Variants in TET2 observed in about 807,000 individuals in gnomAD.
The protein encoded by TET2 is tet methylcytosine dioxygenase 2.
In TET2, 299 loss-of-function variants were observed where a neutral mutation model predicts 142.9. That is an observed-to-expected ratio of 2.09 (90% CI 1.90 to 2.30). The LOEUF (loss-of-function observed/expected upper bound fraction) is 2.30. Among genes scored for constraint, TET2 ranks in the 30% most tolerant of loss-of-function variants. The probability of loss-of-function intolerance (pLI) is 0.00; values close to 1 mark genes in which losing one functional copy is unlikely to be tolerated. For missense variants in TET2, 2,418 were observed against 2,378.0 expected, an observed-to-expected ratio of 1.02 and a Z score of -0.35; for synonymous variants, 819 against 849.0, an observed-to-expected ratio of 0.96 and a Z score of 0.61.
chr4:105,185,683 G>T (rs1196585343), intron 1 of TET2, among the ~76,000 whole-genome samples: 1 of 152,156 alleles, frequency 6.6e-6, no homozygotes, highest in Non-Finnish European at 1.5e-5. Flanking sequence ...GGAGGCTGAG[G>T]CAGGAGAATG....
chr4:105,275,783 C>A lies in TET2; in HGVS notation c.5273C>A (p.Ser1758Ter), dbSNP rs1490276246. 1 of 1,551,698 alleles carries A rather than the reference C, an allele frequency of 6.4e-7. No individual in the cohort carries two copies. Among genetic ancestry groups the A allele is most frequent in the African/African-American group, 1.4e-5 (1 of 73,164 alleles). Residue 1758 changes from serine (S) to a stop codon, truncating the protein, a stop_gained, in exon 11 of 11, where the codon TCA becomes TAA. Transcript: ENST00000380013. LOFTEE classifies it low-confidence loss of function (END_TRUNC). Reference sequence around the variant, plus strand: ...GACTATAAAAATGGTGAACATCATTCACCTTCTCACATAATCCATAACTAC... The same window carrying A: ...GACTATAAAAATGGTGAACATCATTAACCTTCTCACATAATCCATAACTAC... ...NMDYKNGEHH[S>*]PSHIIHNYSA...
rs534655531 is a variant in TET2, at chr4:105,261,437, A to T, written c.3955-322A>T. Among the ~76,000 whole-genome samples the T allele has an allele frequency of 2.6e-5, 4 of 152,242 alleles. No individual in the cohort carries two copies. In the South Asian group the frequency reaches 8.3e-4, roughly 32 times the overall value. On this transcript the variant is annotated intron_variant, in intron 7 of 10. Coordinates refer to ENST00000380013, the MANE Select transcript of TET2 (RefSeq NM_001127208.3). ...CTTTTAATAGTTCATCTTCCTTGGT[A>T]GCTAAAAAATGTGACCTCTTTAAGA...
chr4:105,181,843 C>T (rs917190144), intron 1 of TET2, among the ~76,000 whole-genome samples: 88 of 152,222 alleles, frequency 5.8e-4, no homozygotes, highest in Non-Finnish European at 8.8e-5. Flanking sequence ...TTATATTACC[C>T]TCCAACCTTA....
chr4:105,209,049 G>GCA (rs1553949668), intron 2 of TET2, among the ~76,000 whole-genome samples: 1 of 44,316 alleles, frequency 2.3e-5, no homozygotes, highest in Non-Finnish European at 8.2e-5. Context: ...TCAAGGCATG[G>GCA]TATATATATA....
At chr4:105,242,566 A>T (rs2110251911) in intron 4 of TET2, 1 of 1,189,032 alleles carries the variant, frequency 8.4e-7, no homozygotes, top group African/African-American at 1.6e-5. Context: ...GAAATTTTAT[A>T]TCGAAATGAG....
At chr4:105,249,001 CT>C (rs60525299) in intron 6 of TET2, among the ~76,000 whole-genome samples, 15,776 of 131,524 alleles carry the variant, frequency 0.12, 608 homozygotes, top group Non-Finnish European at 0.14. Context: ...TTTTCTTTTT[CT>C]TTTTTTTTTT....
rs1009194427 is a variant in TET2, at chr4:105,243,621, C to T, written c.3646C>T (p.Arg1216Ter). 24 of 1,551,470 alleles carry T rather than the reference C, an allele frequency of 1.5e-5. No homozygotes were observed. Among genetic ancestry groups the T allele is most frequent in the African/African-American group, 2.7e-5 (2 of 73,126 alleles). ...EEKLLCLVRE[R>*]AGHTCEAAVI... ...GAAGCTACTGTGTTTGGTGCGGGAG[C>T]GAGCTGGCCACACCTGTGAGGCTGC... Residue 1216 changes from arginine to a stop codon, truncating the protein, a stop_gained, in exon 6 of 11, where the codon CGA becomes TGA. Transcript: ENST00000380013. LOFTEE classifies it high-confidence loss of function.
chr4:105,276,414 C>G lies in TET2; in HGVS notation c.5904C>G (p.Ile1968Met), dbSNP rs2110316875. ...ETSEPTYLRF[I>M]KSLAERTMSV... ...CAGAGCCCACTTACCTGCGTTTCATCAAGTCTCTTGCCGAAAGGACCATGT... is the reference window on the plus strand; with the variant it reads ...CAGAGCCCACTTACCTGCGTTTCATGAAGTCTCTTGCCGAAAGGACCATGT... Residue 1968 changes from isoleucine (I) to methionine (M), a missense_variant, in exon 11 of 11, where the codon ATC (isoleucine) becomes ATG (methionine). By Grantham distance (10) the Ile-to-Met change is conservative. Coordinates refer to ENST00000380013, the MANE Select transcript of TET2 (RefSeq NM_001127208.3). 1 of 1,551,968 alleles carries G rather than the reference C, an allele frequency of 6.4e-7. No homozygotes were observed. The highest frequency in any genetic ancestry group is 8.7e-7 in the Non-Finnish European group (1 of 1,147,044).
At chr4:105,156,200 A>G (rs1481589075) in intron 1 of TET2, among the ~76,000 whole-genome samples, 1 of 152,188 alleles carries the variant, frequency 6.6e-6, no homozygotes, top group African/African-American at 2.4e-5. Context: ...CATATTAGGA[A>G]CATTTTGATT....
chr4:105,171,415 G>A (rs531048832), intron 1 of TET2: 13 of 152,174 alleles, frequency 8.5e-5, no homozygotes, highest in African/African-American at 3.1e-4. Flanking sequence ...AATTAAAGAA[G>A]CATTGATTAA....
chr4:105,172,676 G>C (rs1724542371), intron 1 of TET2: 1 of 152,142 alleles, frequency 6.6e-6, no homozygotes, highest in Admixed American at 6.5e-5. Context: ...TCAAATGCCT[G>C]TATGTTTATG....
At position 105,236,598 on chromosome 4, in the gene TET2, C is replaced by T. The variant is rs779597205; in HGVS notation, c.2656C>T (p.Gln886Ter). 6 of 1,613,922 alleles carry T rather than the reference C, an allele frequency of 3.7e-6. No homozygotes were observed. The highest frequency in any genetic ancestry group is 2.7e-5 in the African/African-American group (2 of 74,928). The part of the protein sequence containing the change: ...QDLLHRCFQE[Q>*]EQKSQQASVL... ...TCTTCTTCACAGGTGCTTTCAAGAA[C>T]AGGAGCAGAAGTCACAACAAGCTTC... The change falls in exon 3 of 11, where the codon CAG becomes TAG. Residue 886 changes from glutamine (Q) to a stop codon, truncating the protein, a stop_gained. Coordinates refer to ENST00000380013, the MANE Select transcript of TET2 (RefSeq NM_001127208.3). LOFTEE classifies it high-confidence loss of function.
chr4:105,209,049 GTATATATATATATATATATATATATA>G (rs36045001), intron 2 of TET2, among the ~76,000 whole-genome samples: 588 of 44,362 alleles, frequency 0.013, 14 homozygotes, highest in African/African-American at 0.019. Context: ...TCAAGGCATG[GTATATATATATATATATATATATATA>G]TATATATATA....
chr4:105,158,364 A>G (rs897283821), intron 1 of TET2, among the ~76,000 whole-genome samples: 7 of 152,200 alleles, frequency 4.6e-5, no homozygotes, highest in African/African-American at 1.7e-4. Flanking sequence ...AGTATTGGTA[A>G]GAATTCAGGT....
chr4:105,260,462 T>TA (rs372854543), intron 7 of TET2, among the ~76,000 whole-genome samples: 2,206 of 146,902 alleles, frequency 0.015, 46 homozygotes, highest in African/African-American at 0.048. Flanking sequence ...CATCCTAAAG[T>TA]AAAAAAAAAA....
chr4:105,267,405 A>G (rs1199446393), intron 8 of TET2, among the ~76,000 whole-genome samples: 2 of 152,056 alleles, frequency 1.3e-5, no homozygotes, highest in Non-Finnish European at 2.9e-5. Flanking sequence ...TGAGGTTTAT[A>G]ACACGTAGAA....
rs144570716 is a variant in TET2 at position 105,258,474 on chromosome 4, ATTATAT to A, written c.3804-1141_3804-1136del. Among the ~76,000 whole-genome samples, 1,073 of 152,300 alleles carry A rather than the reference ATTATAT, an allele frequency of 7.0e-3. 16 individuals are homozygous for A. The highest frequency in any genetic ancestry group is 0.024 in the African/African-American group (1,012 of 41,566). ...CAAATTTCAGAGATTTTGATGGGAAATTATATTTAGAGATCACAATCAGTGTCTAGA... is the reference window on the plus strand; with the variant it reads ...CAAATTTCAGAGATTTTGATGGGAAATTAGAGATCACAATCAGTGTCTAGA... On this transcript the variant is annotated intron_variant, in intron 6 of 10. Transcript: ENST00000380013.
At chr4:105,220,665 G>A (rs973923563) in intron 2 of TET2, among the ~76,000 whole-genome samples, 21 of 152,166 alleles carry the variant, frequency 1.4e-4, no homozygotes, top group African/African-American at 4.6e-4. Context: ...CTATTTTTCT[G>A]CCTGGCATTG....
At chr4:105,167,215 C>T (rs914016429) in intron 1 of TET2, among the ~76,000 whole-genome samples, 1 of 152,026 alleles carries the variant, frequency 6.6e-6, no homozygotes, top group South Asian at 2.1e-4. Context: ...TTTCTATTCT[C>T]TGATTGATTC....
Sources: allele counts gnomAD v4.1 joint callset (sites outside exome capture counted in the v4.1 genomes callset), GRCh38; gene constraint gnomAD v4.1.1; transcripts MANE v1.5; gene names NCBI Gene and HGNC (gene_info 2026-07-23, HGNC 2026-07-21).